Variants in RBFOX3 observed in about 807,000 individuals in gnomAD.
The protein encoded by RBFOX3 is RNA binding protein fox-1 homolog 3.
In RBFOX3, 17 loss-of-function variants were observed where a neutral mutation model predicts 48.7. That is an observed-to-expected ratio of 0.35 (90% CI 0.24 to 0.52). The LOEUF (loss-of-function observed/expected upper bound fraction) is 0.52, where lower values mean the gene tolerates loss of function less well. RBFOX3 is among the 20% of genes least tolerant of loss of function. The probability of loss-of-function intolerance (pLI) is 0.94; values close to 1 mark genes in which losing one functional copy is unlikely to be tolerated. For synonymous variants in RBFOX3, 212 were observed against 209.5 expected (o/e 1.01, Z -0.10); for missense variants, 382 against 497.5 (o/e 0.77, Z 2.21).
chr17:79,545,823 A>T (rs2090348912), intron 1 of RBFOX3, among the ~76,000 whole-genome samples: 1 of 151,926 alleles, frequency 6.6e-6, no homozygotes, highest in African/African-American at 2.4e-5. Context: ...ACTCAGACAC[A>T]CCCGTGCACA....
At chr17:79,096,199 C>T (rs547078604) in intron 12 of RBFOX3, among the ~76,000 whole-genome samples, 2 of 152,288 alleles carry the variant, frequency 1.3e-5, no homozygotes, top group East Asian at 3.9e-4. Context: ...CACATGTGGC[C>T]CCATGAAGGG....
intron 1 of RBFOX3, among the ~76,000 whole-genome samples, chr17:79,578,254 C>T (rs970578555): frequency 6.6e-6 from 1 of 152,282 alleles, no homozygotes; most frequent in African/African-American, 2.4e-5. Flanking sequence ...CAACAAAACC[C>T]GCTCTGGGGA....
In RBFOX3 at chr17:79,214,944, C is replaced by T. The variant is rs1489534256; in HGVS notation, c.-34+20822G>A. ...ATTTGGAGACGTTCTGCCTTGGCATCTTCGCCTGGTGCCGGTCAATTATGA... is the reference window on the plus strand; with the variant it reads ...ATTTGGAGACGTTCTGCCTTGGCATTTTCGCCTGGTGCCGGTCAATTATGA... On this transcript the variant is annotated intron_variant, in intron 4 of 14. Coordinates refer to ENST00000693108, the MANE Select transcript of RBFOX3 (RefSeq NM_001350451.2). This position sits in a 1 kb window ranked among gnomAD's most constrained non-coding sequence, Gnocchi z 4.7. 6.6e-6 allele frequency among the ~76,000 whole-genome samples: 1 copy of T among 152,224 alleles called. No individual in the cohort carries two copies. Among genetic ancestry groups the T allele is most frequent in the African/African-American group, 2.4e-5 (1 of 41,458 alleles).
rs536125820 is a variant in RBFOX3 at position 79,149,368 on chromosome 17, G to T, written c.-33-33620C>A. ...AGTGGGGGCACGGGGGAGGACAAAGGGGGGCTTGGCTCAGGCCCAGCCCCG... is the reference window on the plus strand; with the variant it reads ...AGTGGGGGCACGGGGGAGGACAAAGTGGGGCTTGGCTCAGGCCCAGCCCCG... On this transcript the variant is annotated intron_variant, in intron 4 of 14. Transcript: ENST00000693108. Among the ~76,000 whole-genome samples the T allele has an allele frequency of 3.9e-5, 6 of 152,320 alleles. No homozygotes were observed. In the East Asian group the frequency reaches 9.7e-4, roughly 25 times the overall value.
intron 3 of RBFOX3, among the ~76,000 whole-genome samples, chr17:79,294,025 A>G (rs1215024368): frequency 6.6e-6 from 1 of 152,182 alleles, no homozygotes; most frequent in Non-Finnish European, 1.5e-5. Flanking sequence ...CACCTGTCCG[A>G]CTTCCAGAGC....
intron 1 of RBFOX3, among the ~76,000 whole-genome samples, chr17:79,596,139 C>A (rs907853919): frequency 1.3e-5 from 2 of 152,186 alleles, no homozygotes; most frequent in Admixed American, 1.3e-4. Context: ...CATCTGAGAC[C>A]CCCCTTTCAG....
At chr17:79,387,307 C>A (rs60252138) in intron 2 of RBFOX3, among the ~76,000 whole-genome samples, 407 of 152,322 alleles carry the variant, frequency 2.7e-3, no homozygotes, top group African/African-American at 8.9e-3. Context: ...CACAAAAAAA[C>A]CCCAGCATCC....
chr17:79,144,372 ACGC>A (rs879524196), intron 4 of RBFOX3, among the ~76,000 whole-genome samples: 34,548 of 152,046 alleles, frequency 0.23, 4,068 homozygotes, highest in Middle Eastern at 0.29. Flanking sequence ...TAGGCGGGAG[ACGC>A]CTACCACAGA....
chr17:79,215,367 C>T (rs1014592456), intron 4 of RBFOX3, among the ~76,000 whole-genome samples: 1 of 152,196 alleles, frequency 6.6e-6, no homozygotes, highest in African/African-American at 2.4e-5. Flanking sequence ...TGGTAGGAGA[C>T]GCCTCTGGAA....
At chr17:79,325,917 C>T (rs1447657483) in intron 2 of RBFOX3, among the ~76,000 whole-genome samples, 1 of 152,194 alleles carries the variant, frequency 6.6e-6, no homozygotes, top group Non-Finnish European at 1.5e-5. Context: ...GTGCTGAACT[C>T]CGGCATGATG....
chr17:79,153,537 C>A (rs2045073054), intron 4 of RBFOX3, among the ~76,000 whole-genome samples: 1 of 152,184 alleles, frequency 6.6e-6, no homozygotes, highest in South Asian at 2.1e-4. Flanking sequence ...GTGGGCCAGG[C>A]TTCCCGTTTA....
In RBFOX3 at chr17:79,535,825, C is replaced by T. The variant is rs76714648; in HGVS notation, c.-319-53227G>A. Among the ~76,000 whole-genome samples, 2,435 of 152,250 alleles carry T rather than the reference C, an allele frequency of 0.016. 67 individuals are homozygous for T. Among genetic ancestry groups the T allele is most frequent in the African/African-American group, 0.057 (2,356 of 41,532 alleles). ...AGGAACAGGGTGGGAAGAGTCCACA[C>T]GGAGAGGGGCCGTGGGTTGATCTCT... On this transcript the variant is annotated intron_variant, in intron 1 of 14. Transcript: ENST00000693108. This position sits in a 1 kb window ranked among gnomAD's most constrained non-coding sequence, Gnocchi z 4.5.
chr17:79,543,828 A>G lies in RBFOX3; in HGVS notation c.-319-61230T>C, dbSNP rs114355868. ...GAGCTACTGGTCAACCAGGAAAGACACAGCCAGGGTGGGCCGAATGGGGCA... is the reference window on the plus strand; with the variant it reads ...GAGCTACTGGTCAACCAGGAAAGACGCAGCCAGGGTGGGCCGAATGGGGCA... On this transcript the variant is annotated intron_variant, in intron 1 of 14. Coordinates refer to ENST00000693108, the MANE Select transcript of RBFOX3 (RefSeq NM_001350451.2). Among the ~76,000 whole-genome samples the G allele has an allele frequency of 7.4e-3, 1,085 of 147,190 alleles. 11 individuals are homozygous for G. Among genetic ancestry groups the G allele is most frequent in the African/African-American group, 0.026 (1,041 of 40,760 alleles).
chr17:79,638,304 GTTTT>G, the RBFOX3 span, among the ~76,000 whole-genome samples: 1 of 88,280 alleles, frequency 1.1e-5, no homozygotes, highest in African/African-American at 3.4e-5. Flanking sequence ...AACTGAGTTG[GTTTT>G]TTTTTTTTTT....
chr17:79,623,981 C>T, the RBFOX3 span, among the ~76,000 whole-genome samples: 1 of 152,144 alleles, frequency 6.6e-6, no homozygotes. Flanking sequence ...GGAGCGCAAG[C>T]AGCCTCCAGA....
At chr17:79,343,492 G>A (rs569923961) in intron 2 of RBFOX3, among the ~76,000 whole-genome samples, 2 of 152,218 alleles carry the variant, frequency 1.3e-5, no homozygotes, top group African/African-American at 4.8e-5. Flanking sequence ...ACTCCAGCCT[G>A]GGAGACAGAG....
intron 9 of RBFOX3, chr17:79,099,743 C>T (rs2146398623): frequency 6.6e-6 from 1 of 152,374 alleles, no homozygotes; most frequent in Non-Finnish European, 1.5e-5. Flanking sequence ...CTGCTGCCTC[C>T]ATTTCACTGT....
In RBFOX3 at chr17:79,482,311, T is replaced by C. The variant is rs1161620454; in HGVS notation, c.-175+143A>G. The C allele has an allele frequency of 6.6e-6, 1 of 152,204 alleles. No individual in the cohort carries two copies. The highest frequency in any genetic ancestry group is 2.4e-5 in the African/African-American group (1 of 41,440). The allele number at this position is 152,204 out of a possible 1,614,324, so 9.4% of individuals were successfully genotyped here. On this transcript the variant is annotated intron_variant, in intron 2 of 14. Transcript: ENST00000693108. This position sits in a 1 kb window ranked among gnomAD's most constrained non-coding sequence, Gnocchi z 4.1. ...CCCCTCCTACTCCACAAAGACACCA[T>C]GACTTGAAAGCTATAGAGAGCAGCA...
At chr17:79,256,972 A>T (rs1251245672) in intron 3 of RBFOX3, among the ~76,000 whole-genome samples, 2 of 152,034 alleles carry the variant, frequency 1.3e-5, no homozygotes, top group Non-Finnish European at 2.9e-5. Flanking sequence ...AAAAAAGAAA[A>T]AGAAAAGGAA....
Sources: gnomAD v4.1 joint callset for allele counts (sites outside exome capture counted in the v4.1 genomes callset) on GRCh38, gnomAD v4.1.1 for gene constraint, Gnocchi (gnomAD v3.1) non-coding constraint, MANE v1.5 for transcripts, NCBI Gene and HGNC (gene_info 2026-07-23, HGNC 2026-07-21) for gene names.